The following CCNG2 variants were observed in gnomAD, a reference collection of about 807,000 sequenced individuals.
The protein encoded by CCNG2 is cyclin G2.
CCNG2 carries 20 observed loss-of-function variants against 36.5 expected under a neutral mutation model. That is an observed-to-expected ratio of 0.55 (90% CI 0.39 to 0.80). CCNG2 has a LOEUF of 0.80. Among genes scored for constraint, CCNG2 ranks in the 30% least tolerant of loss-of-function variants. The pLI is 0.00. For synonymous variants in CCNG2, 155 were observed against 140.1 expected (o/e 1.11, Z -0.75); for missense variants, 358 against 390.8 (o/e 0.92, Z 0.71).
chr4:77,160,533 G>GC (rs1169147987), intron 3 of CCNG2, among the ~76,000 whole-genome samples, 188 bp from the exon 4 acceptor site: 4 of 128,290 alleles, frequency 3.1e-5, no homozygotes, highest in African/African-American at 8.5e-5. Flanking sequence ...TTTTTTTTTG[G>GC]GGGGGGGGGG....
At position 77,159,350 on chromosome 4, in the gene CCNG2, CTTGGTTT is replaced by C; in HGVS notation, c.139-14_139-8del. ...TCTAAGAAAATTGTAAACCTTGGTT[CTTGGTTT>C]TTATTGCAGAATGATAACACTTTGT... On this transcript the variant is annotated splice_polypyrimidine_tract_variant and intron_variant, in intron 2 of 7. Coordinates refer to ENST00000316355, the MANE Select transcript of CCNG2 (RefSeq NM_004354.3). 1 of 1,596,690 alleles carries C rather than the reference CTTGGTTT, an allele frequency of 6.3e-7. No individual in the cohort carries two copies. Among genetic ancestry groups the C allele is most frequent in the South Asian group, 1.1e-5 (1 of 87,828 alleles).
intron 6 of CCNG2, among the ~76,000 whole-genome samples, chr4:77,163,944 G>A (rs1577907498): frequency 6.6e-6 from 1 of 152,220 alleles, no homozygotes; most frequent in African/African-American, 2.4e-5. Context: ...CAGACCCAGA[G>A]TGTTTTTAGG....
intron 3 of CCNG2, among the ~76,000 whole-genome samples, chr4:77,160,473 G>A (rs952648835): frequency 5.7e-5 from 8 of 141,408 alleles, no homozygotes; most frequent in African/African-American, 2.2e-4. Context: ...TCCCACCTCA[G>A]CCTCCCAAAG....
intron 2 of CCNG2, among the ~76,000 whole-genome samples, chr4:77,158,986 C>T (rs1731350615): frequency 6.6e-6 from 1 of 152,242 alleles, no homozygotes; most frequent in African/African-American, 2.4e-5. Context: ...CAAACACCCT[C>T]TGCCTGTGAA....
In CCNG2 at chr4:77,161,512, C is replaced by G; in HGVS notation, c.560C>G (p.Ala187Gly). 6.2e-7 allele frequency: 1 copy of G among 1,610,614 alleles called. No individual in the cohort carries two copies. The highest frequency in any genetic ancestry group is 8.5e-7 in the Non-Finnish European group (1 of 1,178,918). The change falls in exon 5 of 8, where the codon GCT becomes GGT. Residue 187 changes from alanine to glycine, a missense_variant. By Grantham distance (60) the Ala-to-Gly change is moderately conservative (BLOSUM62 0). Coordinates refer to ENST00000316355, the MANE Select transcript of CCNG2 (RefSeq NM_004354.3). Reference sequence around the variant, plus strand: ...ATACTGAGCCTTGATAAACTAGAAGCTCAGCTGAAAGCTTGCAACTGCCGA... The same window carrying G: ...ATACTGAGCCTTGATAAACTAGAAGGTCAGCTGAAAGCTTGCAACTGCCGA... The part of the protein sequence containing the change: ...KEILSLDKLE[A>G]QLKACNCRLI...
chr4:77,159,605 C>A, intron 3 of CCNG2, 101 bp downstream of exon 3: 1 of 1,087,054 alleles, frequency 9.2e-7, no homozygotes, highest in Non-Finnish European at 1.3e-6. Flanking sequence ...ATAACGTCCA[C>A]TGTACATAAA....
chr4:77,168,897 C>T lies in CCNG2; in HGVS notation c.*2973C>T, dbSNP rs1731696581. The T allele has an allele frequency of 6.6e-6, 1 of 152,182 alleles. No homozygotes were observed. Among genetic ancestry groups the T allele is most frequent in the Non-Finnish European group, 1.5e-5 (1 of 68,036 alleles). 9.4% of individuals were successfully genotyped at this position (152,182 alleles called of 1,614,324 possible). A position where few individuals can be genotyped will look rare whatever the true frequency, so the allele number is the denominator to read the frequency against. On this transcript the variant is annotated 3_prime_UTR_variant, in exon 8 of 8. Coordinates refer to ENST00000316355, the MANE Select transcript of CCNG2 (RefSeq NM_004354.3). Reference sequence around the variant, plus strand: ...CTCATCCTTACCCCCGTTGACTTGGCGAGAGATTTGACCTTTCAGGTTTTG... The same window carrying T: ...CTCATCCTTACCCCCGTTGACTTGGTGAGAGATTTGACCTTTCAGGTTTTG...
In CCNG2 at chr4:77,160,836, G is replaced by A. The variant is rs1344036737; in HGVS notation, c.392G>A (p.Cys131Tyr). 1.2e-6 allele frequency: 2 copies of A among 1,614,012 alleles called. No individual in the cohort carries two copies. The highest frequency in any genetic ancestry group is 1.7e-6 in the Non-Finnish European group (2 of 1,179,970). Reference sequence around the variant, plus strand: ...CATGATGTGATCCGGATTAGTCAGTGTAAATGTACTGCTTCTGACATAAAA... The same window carrying A: ...CATGATGTGATCCGGATTAGTCAGTATAAATGTACTGCTTCTGACATAAAA... ...STHDVIRISQ[C>Y]KCTASDIKRM... Residue 131 changes from cysteine (C) to tyrosine (Y), a missense_variant, in exon 4 of 8, where the codon TGT becomes TAT. Coordinates refer to ENST00000316355, the MANE Select transcript of CCNG2 (RefSeq NM_004354.3).
chr4:77,157,994 G>A (rs370388604), intron 1 of CCNG2, among the ~76,000 whole-genome samples: 36 of 152,180 alleles, frequency 2.4e-4, no homozygotes, highest in African/African-American at 8.7e-4. Flanking sequence ...CGGCGCTGCA[G>A]CAGCGGACGG....
rs541087081 is a variant in CCNG2, at chr4:77,158,810, A to G, written c.138+140A>G. On this transcript the variant is annotated intron_variant, in intron 2 of 7. Coordinates refer to ENST00000316355, the MANE Select transcript of CCNG2 (RefSeq NM_004354.3). ...TTTCTGGAGTACCAAGATAAACCTT[A>G]TTACAGGTTAATGCTTTTGTTTCTT... 1.8e-4 allele frequency: 145 copies of G among 784,532 alleles called. No homozygotes were observed. In the African/African-American group the frequency reaches 2.2e-3, roughly 12 times the overall value. 48.6% of individuals were successfully genotyped at this position (784,532 alleles called of 1,614,324 possible). A position where few individuals can be genotyped will look rare whatever the true frequency, so the allele number is the denominator to read the frequency against.
rs1438890247 is a variant in CCNG2, at chr4:77,162,330, TTG to T, written c.705+587_705+588del. Among the ~76,000 whole-genome samples the T allele has an allele frequency of 1.7e-4, 26 of 152,060 alleles. 1 individual carries two copies. ...AAGTGGTGTGTTCTGTCATTTGTTA[TTG>T]TGTCTTGGTGCCAGGTAATAGTGAA... On this transcript the variant is annotated intron_variant, in intron 6 of 7. Transcript: ENST00000316355.
chr4:77,160,616 CT>C lies in CCNG2; in HGVS notation c.277-103del, dbSNP rs1577904925. On this transcript the variant is annotated intron_variant, in intron 3 of 7. Transcript: ENST00000316355. ...GAGCCAGTACATATAAGAGAAACAA[CT>C]TGATTGTGTTCTGTCTTAAGAATAG... The C allele has an allele frequency of 2.5e-5, 29 of 1,149,138 alleles. No homozygotes were observed. The East Asian group carries it at 7.2e-4, about 29-fold the overall frequency. 71.2% of individuals were successfully genotyped at this position (1,149,138 alleles called of 1,614,324 possible).
chr4:77,166,583 A>G lies in CCNG2; in HGVS notation c.*659A>G, dbSNP rs549143590. 2.6e-5 allele frequency: 4 copies of G among 152,298 alleles called. No homozygotes were observed. Among genetic ancestry groups the G allele is most frequent in the African/African-American group, 7.2e-5 (3 of 41,564 alleles). The allele number at this position is 152,298 out of a possible 1,614,324, so 9.4% of individuals were successfully genotyped here. A position where few individuals can be genotyped will look rare whatever the true frequency, so the allele number is the denominator to read the frequency against. ...GCTAGGGCTCTTAGTTTTCATTCCTATTGCCCAAGTATTGTCAAACTATGG... is the reference window on the plus strand; with the variant it reads ...GCTAGGGCTCTTAGTTTTCATTCCTGTTGCCCAAGTATTGTCAAACTATGG... On this transcript the variant is annotated 3_prime_UTR_variant, in exon 8 of 8. Transcript: ENST00000316355.
intron 6 of CCNG2, among the ~76,000 whole-genome samples, chr4:77,162,475 C>G (rs776626368): frequency 6.8e-6 from 1 of 147,896 alleles, no homozygotes; most frequent in Non-Finnish European, 1.5e-5. Flanking sequence ...CTCAGCCTCT[C>G]GGGTTCAAGT....
In CCNG2 at chr4:77,157,492, C is replaced by G. The variant is rs910523488; in HGVS notation, c.-15C>G. On this transcript the variant is annotated 5_prime_UTR_variant, in exon 1 of 8. Transcript: ENST00000316355. Reference sequence around the variant, plus strand: ...CCGCGAGGCCGCGGGCGGGTGGAGGCGCGTCTCCGGCACGGTGAGTGGACC... The same window carrying G: ...CCGCGAGGCCGCGGGCGGGTGGAGGGGCGTCTCCGGCACGGTGAGTGGACC... The G allele has an allele frequency of 2.0e-5, 3 of 152,450 alleles. No individual in the cohort carries two copies. The highest frequency in any genetic ancestry group is 7.2e-5 in the African/African-American group (3 of 41,408). The allele number at this position is 152,450 out of a possible 1,614,324, so 9.4% of individuals were successfully genotyped here.
intron 4 of CCNG2, 60 bp from the exon 5 acceptor site, chr4:77,161,420 C>G: frequency 8.9e-7 from 1 of 1,118,142 alleles, no homozygotes. Flanking sequence ...TATTTAAAAT[C>G]ATTTAAAATC....
At position 77,160,896 on chromosome 4, in the gene CCNG2, A is replaced by G. The variant is rs769589284; in HGVS notation, c.452A>G (p.Tyr151Cys). ...MEKIISEKLH[Y>C]ELEATTALNF... ...AAAATAATTTCAGAAAAATTGCACT[A>G]TGAATTGGAAGCTACTACTGCCTTA... The change falls in exon 4 of 8, where the codon TAT (tyrosine) becomes TGT (cysteine). Residue 151 changes from tyrosine (Y) to cysteine (C), a missense_variant. Tyr to Cys is a radical substitution (Grantham distance 194, BLOSUM62 -2). Coordinates refer to ENST00000316355, the MANE Select transcript of CCNG2 (RefSeq NM_004354.3). 4.3e-6 allele frequency: 7 copies of G among 1,612,452 alleles called. No homozygotes were observed. Among genetic ancestry groups the G allele is most frequent in the East Asian group, 2.2e-5 (1 of 44,870 alleles).
At chr4:77,161,099 C>CTTTT (rs34505988) in intron 4 of CCNG2, 128 bp downstream of exon 4, 5,093 of 305,680 alleles carry the variant, frequency 0.017, 29 homozygotes, top group South Asian at 0.025. Context: ...ATTGGTAAAT[C>CTTTT]TTTTTTTTTT....
At chr4:77,165,522 G>A (rs879273644) in intron 7 of CCNG2, among the ~76,000 whole-genome samples, 2 of 151,486 alleles carry the variant, frequency 1.3e-5, no homozygotes, top group Non-Finnish European at 2.9e-5. Context: ...GCCCAGGCTA[G>A]TCTTGAACTC....
Sources: allele counts gnomAD v4.1 joint callset (sites outside exome capture counted in the v4.1 genomes callset), GRCh38; gene constraint gnomAD v4.1.1; transcripts MANE v1.5; gene names NCBI Gene and HGNC (gene_info 2026-07-23, HGNC 2026-07-21).